Variants in RAPGEF4 observed in about 807,000 individuals in gnomAD.
The protein encoded by RAPGEF4 is RAP guanine-nucleotide-exchange factor (GEF) 4.
In RAPGEF4, 66 loss-of-function variants were observed where a neutral mutation model predicts 147.9. The observed-to-expected ratio is 0.45, with a 90% CI of 0.37 to 0.55. RAPGEF4 has a LOEUF of 0.55. RAPGEF4 is among the 20% of genes least tolerant of loss of function. The pLI is 0.00. For synonymous variants in RAPGEF4, 419 were observed against 442.7 expected, an observed-to-expected ratio of 0.95 and a Z score of 0.67; for missense variants, 1,071 against 1,257.3, an observed-to-expected ratio of 0.85 and a Z score of 2.24.
At chr2:173,008,757 C>T (rs1399808292) in intron 17 of RAPGEF4, among the ~76,000 whole-genome samples, 1 of 151,846 alleles carries the variant, frequency 6.6e-6, no homozygotes, top group Non-Finnish European at 1.5e-5. Flanking sequence ...CCATTATTAG[C>T]TGAATTAAGA....
At chr2:172,908,570 C>G (rs1336702052) in intron 4 of RAPGEF4, among the ~76,000 whole-genome samples, 1 of 152,190 alleles carries the variant, frequency 6.6e-6, no homozygotes, top group African/African-American at 2.4e-5. Context: ...TCATGTAGAT[C>G]TTTGAGTGAC....
chr2:172,819,722 C>T (rs931862299), intron 4 of RAPGEF4, among the ~76,000 whole-genome samples: 2 of 152,098 alleles, frequency 1.3e-5, no homozygotes, highest in African/African-American at 4.8e-5. Flanking sequence ...GCCTCGGCCT[C>T]CCAAAGTGCT....
intron 10 of RAPGEF4, among the ~76,000 whole-genome samples, chr2:172,977,653 G>T (rs1333958752): frequency 1.3e-5 from 2 of 152,068 alleles, no homozygotes; most frequent in African/African-American, 4.8e-5. Flanking sequence ...ACTGACTTTT[G>T]CTCCACCTGG....
At chr2:172,829,415 C>G (rs942667382) in intron 4 of RAPGEF4, among the ~76,000 whole-genome samples, 1 of 152,186 alleles carries the variant, frequency 6.6e-6, no homozygotes, top group Non-Finnish European at 1.5e-5. Context: ...AGGTGAGCCC[C>G]TGAGCTCATC....
chr2:172,922,186 A>G, intron 5 of RAPGEF4, 95 bp from the exon 6 acceptor site: 1 of 1,190,236 alleles, frequency 8.4e-7, no homozygotes, highest in South Asian at 1.2e-5. Flanking sequence ...AAAACACTGA[A>G]ATTTTACTTG....
chr2:173,044,917 C>T (rs199997091), intron 29 of RAPGEF4, among the ~76,000 whole-genome samples: 176 of 152,240 alleles, frequency 1.2e-3, no homozygotes, highest in African/African-American at 3.9e-3. Flanking sequence ...GACACTCCCC[C>T]ACTCCGGCCT....
At position 172,990,730 on chromosome 2, in the gene RAPGEF4, G is replaced by A. The variant is rs201257414; in HGVS notation, c.1375-80G>A. ...ACAATTAGCATGACAAGCACCAAATGAGTTTCTGAAGCATTTGAAAATTTT... is the reference window on the plus strand; with the variant it reads ...ACAATTAGCATGACAAGCACCAAATAAGTTTCTGAAGCATTTGAAAATTTT... On this transcript the variant is annotated intron_variant, in intron 14 of 30. Coordinates refer to ENST00000397081, the MANE Select transcript of RAPGEF4 (RefSeq NM_007023.4). 3.2e-6 allele frequency: 3 copies of A among 924,020 alleles called. No individual in the cohort carries two copies. In the East Asian group the frequency reaches 7.7e-5, roughly 24 times the overall value. 57.2% of individuals were successfully genotyped at this position (924,020 alleles called of 1,614,324 possible).
At chr2:172,906,270 C>A (rs1457878850) in intron 4 of RAPGEF4, among the ~76,000 whole-genome samples, 1 of 152,084 alleles carries the variant, frequency 6.6e-6, no homozygotes, top group Non-Finnish European at 1.5e-5. Flanking sequence ...ATTGGGAGAA[C>A]CTAGTGGAAC....
chr2:172,879,665 T>C (rs892118117), intron 4 of RAPGEF4, among the ~76,000 whole-genome samples: 10 of 152,050 alleles, frequency 6.6e-5, no homozygotes, highest in Non-Finnish European at 5.9e-5. Context: ...TAGCCAGGTA[T>C]GGTGGTGTGC....
chr2:172,974,655 C>T (rs1323584473), intron 10 of RAPGEF4, among the ~76,000 whole-genome samples: 4 of 152,106 alleles, frequency 2.6e-5, no homozygotes, highest in Non-Finnish European at 5.9e-5. Context: ...TGCTCTCCAG[C>T]CTGGGCAACA....
At chr2:172,939,476 TA>T (rs1227478641) in intron 6 of RAPGEF4, among the ~76,000 whole-genome samples, 1 of 152,198 alleles carries the variant, frequency 6.6e-6, no homozygotes, top group Non-Finnish European at 1.5e-5. Flanking sequence ...TTTGCCCATT[TA>T]AAAAATTTGG....
intron 4 of RAPGEF4, among the ~76,000 whole-genome samples, chr2:172,866,720 C>T (rs763281903): frequency 6.6e-6 from 1 of 151,868 alleles, no homozygotes; most frequent in Non-Finnish European, 1.5e-5. Flanking sequence ...TGGCCCAAAC[C>T]AATAATTTGC....
At chr2:173,043,827 T>C (rs1317811637) in intron 29 of RAPGEF4, among the ~76,000 whole-genome samples, 1 of 152,204 alleles carries the variant, frequency 6.6e-6, no homozygotes, top group African/African-American at 2.4e-5. Flanking sequence ...AATTTGTGTT[T>C]GGGATGCCGG....
intron 4 of RAPGEF4, among the ~76,000 whole-genome samples, chr2:172,847,466 C>T (rs1006978009): frequency 6.6e-6 from 1 of 152,214 alleles, no homozygotes; most frequent in African/African-American, 2.4e-5. Flanking sequence ...TGCTCTCAGC[C>T]TCCTCCTTGG....
chr2:172,980,398 G>T (rs1691550961), intron 10 of RAPGEF4, among the ~76,000 whole-genome samples: 1 of 152,174 alleles, frequency 6.6e-6, no homozygotes, highest in South Asian at 2.1e-4. Context: ...GATGGAAGTT[G>T]AGGGTTTTTC....
At chr2:172,845,121 G>C (rs1692034337) in intron 4 of RAPGEF4, among the ~76,000 whole-genome samples, 1 of 152,204 alleles carries the variant, frequency 6.6e-6, no homozygotes, top group South Asian at 2.1e-4. Flanking sequence ...ACTGACTGTA[G>C]TGACCTAGGG....
chr2:172,903,247 T>C (rs1699262609), intron 4 of RAPGEF4, among the ~76,000 whole-genome samples: 1 of 151,318 alleles, frequency 6.6e-6, no homozygotes, highest in Non-Finnish European at 1.5e-5. Flanking sequence ...CGGGCACCTG[T>C]AGTCCCAGCT....
At chr2:172,920,876 T>C (rs932955180) in intron 5 of RAPGEF4, among the ~76,000 whole-genome samples, 6 of 152,146 alleles carry the variant, frequency 3.9e-5, no homozygotes, top group Non-Finnish European at 7.4e-5. Flanking sequence ...GAGGCCATCC[T>C]TCCTCTTTCT....
intron 6 of RAPGEF4, among the ~76,000 whole-genome samples, chr2:172,929,706 G>A (rs527598278): frequency 2.2e-4 from 34 of 152,092 alleles, no homozygotes; most frequent in Non-Finnish European, 4.4e-4. Context: ...ATCTCAGGCC[G>A]TCATATAGGA....
Sources: allele counts gnomAD v4.1 joint callset (sites outside exome capture counted in the v4.1 genomes callset), GRCh38; gene constraint gnomAD v4.1.1; transcripts MANE v1.5; gene names NCBI Gene and HGNC (gene_info 2026-07-23, HGNC 2026-07-21).